IMPDH1: variants seen among roughly 807,000 people sequenced by gnomAD.
The protein encoded by IMPDH1 is inosine-5'-monophosphate dehydrogenase 1.
A neutral mutation model predicts 73.5 loss-of-function variants in IMPDH1; 41 were observed. That is an observed-to-expected ratio of 0.56 (90% CI 0.43 to 0.72). The LOEUF (loss-of-function observed/expected upper bound fraction) is 0.72. Among genes scored for constraint, IMPDH1 ranks in the 30% least tolerant of loss-of-function variants. IMPDH1 has a pLI of 0.00. For missense variants in IMPDH1, 645 were observed against 824.8 expected, an observed-to-expected ratio of 0.78 and a Z score of 2.67; for synonymous variants, 318 against 334.3, an observed-to-expected ratio of 0.95 and a Z score of 0.53.
At chr7:128,397,238 C>T (rs1797987308) in intron 10 of IMPDH1, among the ~76,000 whole-genome samples, 1 of 149,220 alleles carries the variant, frequency 6.7e-6, no homozygotes, top group African/African-American at 2.5e-5. Context: ...TTAACCACAA[C>T]TAATGCAGTC....
chr7:128,395,210 A>G lies in IMPDH1; in HGVS notation c.1326T>C (p.Phe442=), dbSNP rs1210796417. The G allele has an allele frequency of 1.9e-6, 3 of 1,613,794 alleles. No individual in the cohort carries two copies. The highest frequency in any genetic ancestry group is 3.3e-5 in the Admixed American group (2 of 60,008). The part of the protein sequence containing the change: ...VYKVAEYARR[F]GVPIIADGGI... ...CGCCATCGGCTATGATGGGCACACC[A>G]AAGCGCCGGGCATACTCAGCCACCT... The change falls in exon 13 of 17, where the codon TTT becomes TTC. Residue 442 remains phenylalanine (F), a synonymous_variant. Coordinates refer to ENST00000338791, the MANE Select transcript of IMPDH1 (RefSeq NM_000883.4).
intron 4 of IMPDH1, 22 bp downstream of exon 4, chr7:128,405,745 G>C (rs1236831358): frequency 6.5e-7 from 1 of 1,528,020 alleles, no homozygotes; most frequent in Non-Finnish European, 8.8e-7. Flanking sequence ...GCGCACCTAG[G>C]GGTACGAGAC....
chr7:128,407,783 G>A (rs1248782182), intron 3 of IMPDH1, among the ~76,000 whole-genome samples: 1 of 152,186 alleles, frequency 6.6e-6, no homozygotes, highest in African/African-American at 2.4e-5. Flanking sequence ...GGGCCCAGGA[G>A]AGCAGCTGGA....
rs531896104 is a variant in IMPDH1 at position 128,396,537 on chromosome 7, C to T, written c.1261+63G>A. 2 of 1,218,230 alleles carry T rather than the reference C, an allele frequency of 1.6e-6. No individual in the cohort carries two copies. Among genetic ancestry groups the T allele is most frequent in the South Asian group, 1.3e-5 (1 of 77,572 alleles). 75.5% of individuals were successfully genotyped at this position (1,218,230 alleles called of 1,614,324 possible). A position where few individuals can be genotyped will look rare whatever the true frequency, so the allele number is the denominator to read the frequency against. On this transcript the variant is annotated intron_variant, in intron 12 of 16. Coordinates refer to ENST00000338791, the MANE Select transcript of IMPDH1 (RefSeq NM_000883.4). This position sits in a 1 kb window ranked among gnomAD's most constrained non-coding sequence, Gnocchi z 4.0. ...CCTGGCAGAGAGAGTACTTGATATACATCTGGGGAACAAAGGCGAGGCCCC... is the reference window on the plus strand; with the variant it reads ...CCTGGCAGAGAGAGTACTTGATATATATCTGGGGAACAAAGGCGAGGCCCC...
At chr7:128,402,078 G>C (rs957521280) in intron 5 of IMPDH1, among the ~76,000 whole-genome samples, 2 of 151,696 alleles carry the variant, frequency 1.3e-5, no homozygotes, top group Non-Finnish European at 2.9e-5. Flanking sequence ...ACAGGACAAG[G>C]AGATCCTTGC....
At chr7:128,400,246 C>T (rs762908239) in intron 8 of IMPDH1, 64 bp from the exon 9 acceptor site, 1 of 1,606,422 alleles carries the variant, frequency 6.2e-7, no homozygotes, top group South Asian at 1.1e-5. Flanking sequence ...AGGCCTCCCT[C>T]TGGTCCCTGG....
intron 9 of IMPDH1, among the ~76,000 whole-genome samples, 181 bp downstream of exon 9, chr7:128,399,914 C>A (rs1017034002): frequency 2.6e-5 from 4 of 152,192 alleles, no homozygotes; most frequent in African/African-American, 7.2e-5. Flanking sequence ...GCACTAGGGG[C>A]AAGCTTCCCT....
In IMPDH1 at chr7:128,405,894, A is replaced by T. The variant is rs947788306; in HGVS notation, c.255-29T>A. 96 of 1,492,440 alleles carry T rather than the reference A, an allele frequency of 6.4e-5. 1 individual carries two copies. The Admixed American group carries it at 1.6e-3, about 26-fold the overall frequency. 92.4% of individuals were successfully genotyped at this position (1,492,440 alleles called of 1,614,324 possible). ...CCGCGAGACCCCGCGACCCGACATAAACACCCGCGCGGCCGCCCGCCGCTG... is the reference window on the plus strand; with the variant it reads ...CCGCGAGACCCCGCGACCCGACATATACACCCGCGCGGCCGCCCGCCGCTG... On this transcript the variant is annotated intron_variant, in intron 3 of 16. Coordinates refer to ENST00000338791, the MANE Select transcript of IMPDH1 (RefSeq NM_000883.4).
rs1046000580 is a variant in IMPDH1, at chr7:128,396,783, C to T, written c.1166-88G>A. On this transcript the variant is annotated intron_variant, in intron 11 of 16. Coordinates refer to ENST00000338791, the MANE Select transcript of IMPDH1 (RefSeq NM_000883.4). This position sits in a 1 kb window ranked among gnomAD's most constrained non-coding sequence, Gnocchi z 4.0. Reference sequence around the variant, plus strand: ...CCTCTTGGGACCCCAGTCTAGCACCCCCCAACCCCCCTACAGTGACCAAAG... The same window carrying T: ...CCTCTTGGGACCCCAGTCTAGCACCTCCCAACCCCCCTACAGTGACCAAAG... The T allele has an allele frequency of 7.5e-5, 94 of 1,259,438 alleles. No homozygotes were observed. Among genetic ancestry groups the T allele is most frequent in the Admixed American group, 2.0e-4 (10 of 50,456 alleles). 78.0% of individuals were successfully genotyped at this position (1,259,438 alleles called of 1,614,324 possible).
chr7:128,401,187 T>A (rs1798311307), intron 5 of IMPDH1, 71 bp from the exon 6 acceptor site: 3 of 1,144,760 alleles, frequency 2.6e-6, no homozygotes, highest in Non-Finnish European at 3.9e-6. Flanking sequence ...AGCTCCTACA[T>A]GCACCGGCAC....
At chr7:128,393,167 G>A in intron 16 of IMPDH1, 139 bp from the exon 17 acceptor site, 1 of 948,368 alleles carries the variant, frequency 1.1e-6, no homozygotes, top group Non-Finnish European at 1.7e-6. Context: ...TACGGCGCAG[G>A]AGGAGGGCCT....
At chr7:128,403,420 T>G (rs544300205) in intron 5 of IMPDH1, among the ~76,000 whole-genome samples, 9 of 151,566 alleles carry the variant, frequency 5.9e-5, no homozygotes, top group East Asian at 1.9e-4. Context: ...TATCGGGGGG[T>G]TTTGGCATGT....
At position 128,405,787 on chromosome 7, in the gene IMPDH1, G is replaced by T; in HGVS notation, c.333C>A (p.Ser111Arg). Residue 111 changes from serine to arginine, a missense_variant, in exon 4 of 17, where the codon AGC becomes AGA. Around this residue, in one of 2 missense-constraint regions of IMPDH1, gnomAD observed 186 missense variants for 186.6 expected, o/e 1.00. Transcript: ENST00000338791. ...DGLTAQQLFA[S>R]ADGLTYNDFL... is the part of the protein sequence containing the mutation. The stretch of plus-strand genomic sequence containing the variant: ...CTTACTTGTAGGTGAGGCCGTCGGC[G>T]CTGGCGAAGAGCTGCTGCGCGGTGA... 1 of 1,540,104 alleles carries T rather than the reference G, an allele frequency of 6.5e-7. No individual in the cohort carries two copies. The highest frequency in any genetic ancestry group is 8.7e-7 in the Non-Finnish European group (1 of 1,144,264).
intron 4 of IMPDH1, among the ~76,000 whole-genome samples, chr7:128,405,270 T>A (rs1744383893): frequency 6.6e-6 from 1 of 152,106 alleles, no homozygotes; most frequent in African/African-American, 2.4e-5. Context: ...TACCAACCTG[T>A]GGGCAGGGAG....
intron 3 of IMPDH1, among the ~76,000 whole-genome samples, chr7:128,407,899 GC>G (rs1798883004): frequency 6.6e-6 from 1 of 152,034 alleles, no homozygotes. Flanking sequence ...AGACTTCATG[GC>G]CCCACTCCCC....
chr7:128,405,725 G>A, intron 4 of IMPDH1, 42 bp downstream of exon 4: 1 of 1,517,426 alleles, frequency 6.6e-7, no homozygotes, highest in Non-Finnish European at 8.8e-7. Context: ...GGGTCGCGGC[G>A]CGTGGATGCG....
intron 4 of IMPDH1, among the ~76,000 whole-genome samples, chr7:128,405,394 G>A (rs886065290): frequency 5.3e-5 from 8 of 152,220 alleles, no homozygotes; most frequent in African/African-American, 1.9e-4. Context: ...TTGGCTCCGG[G>A]GACCCTCTGC....
rs1417874209 is a variant in IMPDH1, at chr7:128,392,381, G to A, written c.*626C>T. ...AGTTAAAGCCTTCGACTGCAGCTGA[G>A]GAGAAGGGAGGAATGGTTCACCTGG... On this transcript the variant is annotated 3_prime_UTR_variant, in exon 17 of 17. Coordinates refer to ENST00000338791, the MANE Select transcript of IMPDH1 (RefSeq NM_000883.4). 1 of 154,322 alleles carries A rather than the reference G, an allele frequency of 6.5e-6. No individual in the cohort carries two copies. The highest frequency in any genetic ancestry group is 1.4e-5 in the Non-Finnish European group (1 of 69,174). The allele number at this position is 154,322 out of a possible 1,614,324, so 9.6% of individuals were successfully genotyped here. A position where few individuals can be genotyped will look rare whatever the true frequency, so the allele number is the denominator to read the frequency against.
intron 5 of IMPDH1, among the ~76,000 whole-genome samples, chr7:128,403,221 TA>T (rs1310073442): frequency 1.3e-5 from 2 of 152,152 alleles, no homozygotes; most frequent in Non-Finnish European, 2.9e-5. Flanking sequence ...CCATCAGGTA[TA>T]ACCCTTTGAT....
Sources: allele counts gnomAD v4.1 joint callset (sites outside exome capture counted in the v4.1 genomes callset), GRCh38; gene constraint gnomAD v4.1.1; regional missense constraint gnomAD v4.1.1; non-coding constraint Gnocchi (gnomAD v3.1); transcripts MANE v1.5; gene names NCBI Gene and HGNC (gene_info 2026-07-23, HGNC 2026-07-21).